LRRC7: variants seen among roughly 807,000 people sequenced by gnomAD.
LRRC7 encodes leucine rich repeat containing 7.
A neutral mutation model predicts 175.7 loss-of-function variants in LRRC7; 23 were observed. The observed-to-expected ratio is 0.13, with a 90% CI of 0.09 to 0.19. The LOEUF (loss-of-function observed/expected upper bound fraction) is 0.19. Ranked by LOEUF, LRRC7 falls within the 10% of genes least tolerant of loss-of-function variation. The probability of loss-of-function intolerance (pLI) is 1.00; values close to 1 mark genes in which losing one functional copy is unlikely to be tolerated. For synonymous variants in LRRC7, 685 were observed against 680.9 expected (o/e 1.01, Z -0.09); for missense variants, 1,354 against 1,904.7 (o/e 0.71, Z 5.38).
At chr1:69,899,334 G>A (rs1028057114) in intron 7 of LRRC7, among the ~76,000 whole-genome samples, 3 of 152,198 alleles carry the variant, frequency 2.0e-5, no homozygotes, top group African/African-American at 4.8e-5. Flanking sequence ...GCTACCAGCT[G>A]TTCGCTGTCA....
At chr1:70,080,891 A>T (rs780918710) in intron 24 of LRRC7, among the ~76,000 whole-genome samples, 39 of 152,230 alleles carry the variant, frequency 2.6e-4, no homozygotes, top group Non-Finnish European at 3.8e-4. Flanking sequence ...AAAACCCTTC[A>T]TCAGAATATT....
At chr1:69,757,147 A>G (rs2100922420) in intron 2 of LRRC7, among the ~76,000 whole-genome samples, 1 of 152,116 alleles carries the variant, frequency 6.6e-6, no homozygotes, top group South Asian at 2.1e-4. Context: ...GAAAGATATT[A>G]ATACTTTCTA....
chr1:70,000,234 A>G (rs1262906441), intron 11 of LRRC7, among the ~76,000 whole-genome samples: 1 of 152,178 alleles, frequency 6.6e-6, no homozygotes, highest in African/African-American at 2.4e-5. Context: ...CCAATAGTTG[A>G]CCACATATAC....
At position 70,107,619 on chromosome 1, in the gene LRRC7, A is replaced by G. The variant is rs145010839; in HGVS notation, c.4546-133A>G. ...GTGCTGCCTTGCTTAAAATACTATAATATTCTTTGAAGCCTACATGCATAA... is the reference window on the plus strand; with the variant it reads ...GTGCTGCCTTGCTTAAAATACTATAGTATTCTTTGAAGCCTACATGCATAA... On this transcript the variant is annotated intron_variant, in intron 25 of 26. Transcript: ENST00000651989. 138 of 589,610 alleles carry G rather than the reference A, an allele frequency of 2.3e-4. 2 individuals are homozygous for G. In the African/African-American group the frequency reaches 2.4e-3, roughly 10 times the overall value. 36.5% of individuals were successfully genotyped at this position (589,610 alleles called of 1,614,324 possible). A position where few individuals can be genotyped will look rare whatever the true frequency, so the allele number is the denominator to read the frequency against.
At chr1:69,895,266 G>A (rs960249001) in intron 7 of LRRC7, among the ~76,000 whole-genome samples, 18 of 152,018 alleles carry the variant, frequency 1.2e-4, no homozygotes, top group Admixed American at 7.2e-4. Context: ...TGGATCTCAC[G>A]TTGAGTGTTC....
At chr1:69,956,149 A>G (rs1004413659) in intron 8 of LRRC7, among the ~76,000 whole-genome samples, 8 of 151,988 alleles carry the variant, frequency 5.3e-5, no homozygotes, top group Admixed American at 2.6e-4. Flanking sequence ...TAGTTATTAT[A>G]AAGTATTTGG....
At chr1:69,840,025 G>A (rs940318774) in intron 7 of LRRC7, among the ~76,000 whole-genome samples, 1 of 151,892 alleles carries the variant, frequency 6.6e-6, no homozygotes, top group Non-Finnish European at 1.5e-5. Context: ...ATGTTGTAAA[G>A]ATATATTAGA....
chr1:69,572,066 G>C (rs1339410388), intron 1 of LRRC7, among the ~76,000 whole-genome samples: 1 of 151,940 alleles, frequency 6.6e-6, no homozygotes, highest in Non-Finnish European at 1.5e-5. Flanking sequence ...ATGACTTTAG[G>C]GGAATGTTAA....
Position 69,622,837 on chromosome 1 carries a change from CTTGGCAAA to C in LRRC7, c.2+54198_2+54205del, listed in dbSNP as rs565925303. 1.6e-3 allele frequency among the ~76,000 whole-genome samples: 244 copies of C among 152,272 alleles called. 1 individual carries two copies. The highest frequency in any genetic ancestry group is 3.0e-3 in the Non-Finnish European group (204 of 68,020). Reference sequence around the variant, plus strand: ...ATTTGGCAAGTAAAAACTCAAGTTACTTGGCAAATGAAAACTCAAGTTACTAAATATAG... The same window carrying C: ...ATTTGGCAAGTAAAAACTCAAGTTACTGAAAACTCAAGTTACTAAATATAG... On this transcript the variant is annotated intron_variant, in intron 1 of 26. Coordinates refer to ENST00000651989, the MANE Select transcript of LRRC7 (RefSeq NM_001370785.2).
intron 1 of LRRC7, among the ~76,000 whole-genome samples, chr1:69,633,762 A>T (rs1021877195): frequency 6.6e-6 from 1 of 151,902 alleles, no homozygotes; most frequent in African/African-American, 2.4e-5. Context: ...TTTTATAAAA[A>T]CTCTTTTTAT....
intron 16 of LRRC7, among the ~76,000 whole-genome samples, chr1:70,021,588 T>G (rs1401722961): frequency 1.3e-5 from 2 of 152,140 alleles, no homozygotes; most frequent in Non-Finnish European, 2.9e-5. Context: ...TTCTGTGTCC[T>G]TGGGCTATTC....
intron 1 of LRRC7, among the ~76,000 whole-genome samples, chr1:69,590,806 C>G (rs1202191898): frequency 6.6e-6 from 1 of 152,006 alleles, no homozygotes; most frequent in Non-Finnish European, 1.5e-5. Context: ...CAAATATGAG[C>G]TTTAGACATA....
chr1:69,620,705 C>T (rs1448451162), intron 1 of LRRC7, among the ~76,000 whole-genome samples: 3 of 152,166 alleles, frequency 2.0e-5, no homozygotes, highest in Non-Finnish European at 2.9e-5. Flanking sequence ...AAGTTCTTAA[C>T]GATATTCCTC....
chr1:69,648,677 A>G (rs368349733), intron 1 of LRRC7, among the ~76,000 whole-genome samples: 29 of 152,290 alleles, frequency 1.9e-4, no homozygotes, highest in African/African-American at 3.6e-4. Flanking sequence ...CTTCAGAAAC[A>G]TGCCTCTTCC....
chr1:69,690,809 C>A (rs1333489347), intron 2 of LRRC7, among the ~76,000 whole-genome samples: 1 of 152,066 alleles, frequency 6.6e-6, no homozygotes, highest in African/African-American at 2.4e-5. Flanking sequence ...CTGGGCTGGG[C>A]TTTTTAAGGG....
intron 1 of LRRC7, among the ~76,000 whole-genome samples, chr1:69,600,665 C>T (rs1441899602): frequency 2.0e-5 from 3 of 152,004 alleles, no homozygotes; most frequent in African/African-American, 2.4e-5. Context: ...TCCTATGCCC[C>T]TTTGACTTTC....
intron 8 of LRRC7, among the ~76,000 whole-genome samples, chr1:69,979,277 G>A (rs1399981316): frequency 6.6e-6 from 1 of 152,130 alleles, no homozygotes; most frequent in African/African-American, 2.4e-5. Flanking sequence ...GGGCTTCAAA[G>A]GAAGCACAAG....
intron 6 of LRRC7, 52 bp downstream of exon 6, chr1:69,834,921 CT>C: frequency 7.2e-7 from 1 of 1,390,334 alleles, no homozygotes. Flanking sequence ...TAGGTAAGTG[CT>C]TTACCAGTGC....
chr1:69,617,445 T>C (rs1649810380), intron 1 of LRRC7, among the ~76,000 whole-genome samples: 1 of 149,610 alleles, frequency 6.7e-6, no homozygotes, highest in Non-Finnish European at 1.5e-5. Flanking sequence ...TTAAAAAGTT[T>C]AGAATCATTT....
Sources: gnomAD v4.1 joint callset for allele counts (sites outside exome capture counted in the v4.1 genomes callset) on GRCh38, gnomAD v4.1.1 for gene constraint, MANE v1.5 for transcripts, NCBI Gene and HGNC (gene_info 2026-07-23, HGNC 2026-07-21) for gene names.